Variants in CEP89 observed in about 807,000 individuals in gnomAD.
CEP89 encodes centrosomal protein of 89 kDa.
In CEP89, 95 loss-of-function variants were observed where a neutral mutation model predicts 97.6. The observed-to-expected ratio is 0.97, with a 90% CI of 0.82 to 1.15. The LOEUF (loss-of-function observed/expected upper bound fraction) is 1.15. CEP89 is among the 50% of genes most tolerant of loss of function. CEP89 has a pLI of 0.00. For synonymous variants in CEP89, 354 were observed against 349.1 expected, an observed-to-expected ratio of 1.01 and a Z score of -0.16; for missense variants, 869 against 947.7, an observed-to-expected ratio of 0.92 and a Z score of 1.09.
chr19:32,908,750 C>G lies in CEP89; in HGVS notation c.1565+6587G>C, dbSNP rs1405424698. Reference sequence around the variant, plus strand: ...AGATAGGCCACATGCAGAATACTCACTGATTTATCAGCAAAGCAGCTGCTG... The same window carrying G: ...AGATAGGCCACATGCAGAATACTCAGTGATTTATCAGCAAAGCAGCTGCTG... On this transcript the variant is annotated intron_variant, in intron 14 of 18. Transcript: ENST00000305768. Among the ~76,000 whole-genome samples, 3 of 152,166 alleles carry G rather than the reference C, an allele frequency of 2.0e-5. No individual in the cohort carries two copies. The East Asian group carries it at 5.8e-4, about 29-fold the overall frequency.
intron 14 of CEP89, among the ~76,000 whole-genome samples, chr19:32,905,519 T>C (rs1299520882): frequency 6.6e-6 from 1 of 152,072 alleles, no homozygotes; most frequent in Non-Finnish European, 1.5e-5. Context: ...ATTCTTTTAA[T>C]GATTATAGGA....
intron 2 of CEP89, among the ~76,000 whole-genome samples, chr19:32,960,817 A>AC (rs1000738562): frequency 6.6e-6 from 1 of 151,740 alleles, no homozygotes; most frequent in African/African-American, 2.4e-5. Flanking sequence ...CTCAAAAAAA[A>AC]AAATAGTAAA....
At chr19:32,891,963 A>AT (rs940444063) in intron 16 of CEP89, among the ~76,000 whole-genome samples, 3 of 151,558 alleles carry the variant, frequency 2.0e-5, no homozygotes, top group Non-Finnish European at 4.4e-5. Context: ...ACTCAACAAA[A>AT]TAAGTTGAAA....
rs1309853048 is a variant in CEP89, at chr19:32,966,330, G to A, written c.146+30C>T. ...GTACTTGGAGGCTGAGCACAGGGGT[G>A]ACCTCAGTGCCTGCTCATCTGATAC... On this transcript the variant is annotated intron_variant, in intron 2 of 18. Transcript: ENST00000305768. 2.3e-6 allele frequency: 3 copies of A among 1,289,404 alleles called. No homozygotes were observed. In the East Asian group the frequency reaches 8.0e-5, roughly 34 times the overall value. 79.9% of individuals were successfully genotyped at this position (1,289,404 alleles called of 1,614,324 possible). A position where few individuals can be genotyped will look rare whatever the true frequency, so the allele number is the denominator to read the frequency against.
intron 12 of CEP89, among the ~76,000 whole-genome samples, chr19:32,922,985 T>C (rs1158782987): frequency 2.0e-5 from 3 of 151,970 alleles, no homozygotes; most frequent in South Asian, 4.2e-4. Context: ...GAAGGACAGA[T>C]TGGAAGTGGG....
chr19:32,915,791 C>T (rs1045846451), intron 13 of CEP89, among the ~76,000 whole-genome samples: 9 of 151,500 alleles, frequency 5.9e-5, no homozygotes, highest in African/African-American at 1.5e-4. Context: ...TGGTGGCAGG[C>T]GCCTGTAATC....
rs1969208572 is a variant in CEP89, at chr19:32,878,425, T to G, written c.*737A>C. 6.6e-6 allele frequency: 1 copy of G among 152,234 alleles called. No individual in the cohort carries two copies. Among genetic ancestry groups the G allele is most frequent in the Non-Finnish European group, 1.5e-5 (1 of 68,094 alleles). 9.4% of individuals were successfully genotyped at this position (152,234 alleles called of 1,614,324 possible). On this transcript the variant is annotated 3_prime_UTR_variant, in exon 19 of 19. Transcript: ENST00000305768. ...GGCCCCCAGAGCTCACGCACAGCTA[T>G]CATCAGGGCCGGTGCCATGGCCTGG... is the stretch of plus-strand genomic sequence containing the variant.
At chr19:32,893,206 C>T (rs549026588) in intron 16 of CEP89, among the ~76,000 whole-genome samples, 6 of 151,880 alleles carry the variant, frequency 4.0e-5, no homozygotes, top group East Asian at 3.9e-4. Context: ...AAAAATATTC[C>T]ATGCAACTGG....
intron 12 of CEP89, 149 bp downstream of exon 12, chr19:32,923,290 G>T (rs1182578947): frequency 4.2e-6 from 2 of 478,176 alleles, no homozygotes; most frequent in Admixed American, 7.9e-5. Flanking sequence ...ATTTATTAGG[G>T]TTTTATTGTA....
chr19:32,898,606 G>A (rs1200215402), intron 16 of CEP89, among the ~76,000 whole-genome samples: 1 of 152,280 alleles, frequency 6.6e-6, no homozygotes, highest in Middle Eastern at 3.4e-3. Context: ...GCTCAGCTGG[G>A]TGTGGTGGCT....
chr19:32,880,363 C>T (rs1195913452), intron 18 of CEP89, among the ~76,000 whole-genome samples: 1 of 152,204 alleles, frequency 6.6e-6, no homozygotes, highest in Non-Finnish European at 1.5e-5. Flanking sequence ...TTCTTGTGAA[C>T]GTTCCTTCCT....
intron 2 of CEP89, among the ~76,000 whole-genome samples, chr19:32,962,441 T>C (rs1010206552): frequency 1.3e-5 from 2 of 152,198 alleles, no homozygotes; most frequent in Non-Finnish European, 2.9e-5. Flanking sequence ...AACGGACTAA[T>C]ACACGCACCA....
intron 9 of CEP89, among the ~76,000 whole-genome samples, chr19:32,927,903 CTTTT>C (rs60706354): frequency 1.7e-5 from 2 of 116,348 alleles, no homozygotes; most frequent in Non-Finnish European, 3.4e-5. Flanking sequence ...GCACACTTGG[CTTTT>C]TTTTTTTTTT....
chr19:32,882,149 G>A (rs1969297754), intron 17 of CEP89, 136 bp from the exon 18 acceptor site: 1 of 689,306 alleles, frequency 1.5e-6, no homozygotes, highest in Admixed American at 2.9e-5. Context: ...AGTTTGGTCT[G>A]GGATTGCAAG....
intron 14 of CEP89, among the ~76,000 whole-genome samples, chr19:32,912,668 A>G (rs554678906): frequency 6.6e-6 from 1 of 152,164 alleles, no homozygotes; most frequent in East Asian, 1.9e-4. Context: ...TTCTATTAAT[A>G]TTTTCCCATT....
At position 32,919,696 on chromosome 19, in the gene CEP89, ACTCTGTT is replaced by A. The variant is rs1278771010; in HGVS notation, c.1269-1364_1269-1358del. Among the ~76,000 whole-genome samples, 5 of 152,068 alleles carry A rather than the reference ACTCTGTT, an allele frequency of 3.3e-5. No homozygotes were observed. In the East Asian group the frequency reaches 9.7e-4, roughly 29 times the overall value. ...CTTATTTATTTAGAGATAGGGTCTC[ACTCTGTT>A]GCCCAGGCTGGAGTGCAGTGGTGAA... On this transcript the variant is annotated intron_variant, in intron 12 of 18. Transcript: ENST00000305768.
chr19:32,957,093 C>G lies in CEP89; in HGVS notation c.305+2807G>C, dbSNP rs751173566. ...TAGAAACACTACGTTCACCTCAGGG[C>G]ATTCCTGGGCACCTCTGTATCACTC... On this transcript the variant is annotated intron_variant, in intron 3 of 18. Coordinates refer to ENST00000305768, the MANE Select transcript of CEP89 (RefSeq NM_032816.5). Among the ~76,000 whole-genome samples, 8 of 152,324 alleles carry G rather than the reference C, an allele frequency of 5.3e-5. No homozygotes were observed. The South Asian group carries it at 1.0e-3, about 20-fold the overall frequency.
Position 32,915,366 on chromosome 19 carries a change from A to G in CEP89, c.1536T>C (p.Val512=), listed in dbSNP as rs1970101818. 1 of 1,607,316 alleles carries G rather than the reference A, an allele frequency of 6.2e-7. No individual in the cohort carries two copies. The highest frequency in any genetic ancestry group is 1.3e-5 in the African/African-American group (1 of 74,428). Reference sequence around the variant, plus strand: ...TTAATTCATTCACAATTGATTTATGAACTTCCACTGCGATTTTGCCATCCG... The same window carrying G: ...TTAATTCATTCACAATTGATTTATGGACTTCCACTGCGATTTTGCCATCCG... ...THSDGKIAVE[V]HKSIVNELKS... is the part of the protein sequence containing the mutation. Residue 512 remains valine (V), a synonymous_variant, in exon 14 of 19, where the codon GTT becomes GTC. Coordinates refer to ENST00000305768, the MANE Select transcript of CEP89 (RefSeq NM_032816.5).
At position 32,966,383 on chromosome 19, in the gene CEP89, G is replaced by A; in HGVS notation, c.123C>T (p.Pro41=). The change falls in exon 2 of 19, where the codon CCC becomes CCT. Residue 41 remains proline, a synonymous_variant. Coordinates refer to ENST00000305768, the MANE Select transcript of CEP89 (RefSeq NM_032816.5). ...AVPRTPPPRS[P]NPSPERPRSA... ...ACCTTGGTCTCTCTGGAGATGGGTT[G>A]GGGCTGCGGGGAGGAGGTGTGCGTG... 1.3e-6 allele frequency: 2 copies of A among 1,554,944 alleles called. No individual in the cohort carries two copies. The highest frequency in any genetic ancestry group is 1.7e-6 in the Non-Finnish European group (2 of 1,146,792).
Sources: gnomAD v4.1 joint callset for allele counts (sites outside exome capture counted in the v4.1 genomes callset) on GRCh38, gnomAD v4.1.1 for gene constraint, MANE v1.5 for transcripts, NCBI Gene and HGNC (gene_info 2026-07-23, HGNC 2026-07-21) for gene names.